The following DCAF5 variants were observed in gnomAD, a reference collection of about 807,000 sequenced individuals.
DCAF5 encodes DDB1 and CUL4 associated factor 5, also known as DDB1- and CUL4-associated factor 5.
DCAF5 carries 9 observed loss-of-function variants against 80.7 expected under a neutral mutation model. The ratio of observed to expected loss-of-function variants is 0.11; its 90% CI spans 0.07 to 0.19. The LOEUF (loss-of-function observed/expected upper bound fraction) is 0.19. Among genes scored for constraint, DCAF5 ranks in the 10% least tolerant of loss-of-function variants. The pLI, the probability that DCAF5 is intolerant of heterozygous loss-of-function variation, is 1.00. For synonymous variants in DCAF5, 433 were observed against 461.9 expected, an observed-to-expected ratio of 0.94 and a Z score of 0.80; for missense variants, 842 against 1,205.7, an observed-to-expected ratio of 0.70 and a Z score of 4.47.
At chr14:69,094,365 C>T (rs2039630418) in intron 5 of DCAF5, among the ~76,000 whole-genome samples, 1 of 152,316 alleles carries the variant, frequency 6.6e-6, no homozygotes, top group African/African-American at 2.4e-5. Context: ...AGTCTGATCA[C>T]ACTATAGGAA....
In DCAF5 at chr14:69,054,690, A is replaced by C; in HGVS notation, c.1996T>G (p.Trp666Gly). 2 of 1,614,220 alleles carry C rather than the reference A, an allele frequency of 1.2e-6. No individual in the cohort carries two copies. Among genetic ancestry groups the C allele is most frequent in the Non-Finnish European group, 1.7e-6 (2 of 1,180,042 alleles). The stretch of plus-strand genomic sequence containing the variant: ...TAGGAGATATAAGAGTAGCGGAGCC[A>C]CTTGTAAGCTTTATAAATTTTTCGC... ...VERKIYKAYK[W>G]LRYSYISYSN... Residue 666 changes from tryptophan (W) to glycine (G), a missense_variant, in exon 9 of 9, where the codon TGG (tryptophan) becomes GGG (glycine). Around this residue, in one of 5 missense-constraint regions of DCAF5, gnomAD observed 607 missense variants for 656.6 expected, o/e 0.92. Coordinates refer to ENST00000341516, the MANE Select transcript of DCAF5 (RefSeq NM_003861.3).
rs1270113305 is a variant in DCAF5 at position 69,051,212 on chromosome 14, A to C, written c.*2645T>G. 6.5e-6 allele frequency: 1 copy of C among 152,678 alleles called. No individual in the cohort carries two copies. The highest frequency in any genetic ancestry group is 2.4e-5 in the African/African-American group (1 of 41,468). The allele number at this position is 152,678 out of a possible 1,614,324, so 9.5% of individuals were successfully genotyped here. On this transcript the variant is annotated 3_prime_UTR_variant, in exon 9 of 9. Coordinates refer to ENST00000341516, the MANE Select transcript of DCAF5 (RefSeq NM_003861.3). The stretch of plus-strand genomic sequence containing the variant: ...CTTTATGTACAGAATGCAGGAAAAA[A>C]ACATAAGAGGCACTTCCAAATAGTT...
At chr14:69,086,936 T>C (rs2039351010) in intron 6 of DCAF5, among the ~76,000 whole-genome samples, 1 of 152,196 alleles carries the variant, frequency 6.6e-6, no homozygotes, top group South Asian at 2.1e-4. Flanking sequence ...GCTCAGCCTT[T>C]TCAAGAAAAT....
chr14:69,125,784 T>C (rs527559680), intron 1 of DCAF5, among the ~76,000 whole-genome samples: 1 of 152,218 alleles, frequency 6.6e-6, no homozygotes, highest in Non-Finnish European at 1.5e-5. Flanking sequence ...TGAATAAATA[T>C]TGAAAACCTA....
intron 6 of DCAF5, chr14:69,084,053 C>G (rs758249042): frequency 1.3e-6 from 1 of 780,896 alleles, no homozygotes; most frequent in Admixed American, 1.7e-5. Flanking sequence ...CTACAAAAAC[C>G]GTCAGTGGTA....
chr14:69,064,773 C>T (rs1006881004), intron 7 of DCAF5, among the ~76,000 whole-genome samples: 10 of 152,210 alleles, frequency 6.6e-5, no homozygotes, highest in Non-Finnish European at 1.3e-4. Context: ...GAGAATAGAA[C>T]TGGATCTGTC....
intron 5 of DCAF5, among the ~76,000 whole-genome samples, chr14:69,105,315 T>C (rs2040099586): frequency 6.6e-6 from 1 of 152,194 alleles, no homozygotes; most frequent in African/African-American, 2.4e-5. Flanking sequence ...TAGAATATTA[T>C]TTAGCCATAA....
At chr14:69,058,938 G>T (rs147613793) in intron 8 of DCAF5, among the ~76,000 whole-genome samples, 1 of 151,544 alleles carries the variant, frequency 6.6e-6, no homozygotes. Flanking sequence ...GAGACAAGAC[G>T]AGAGATGAGA....
intron 5 of DCAF5, among the ~76,000 whole-genome samples, chr14:69,112,863 G>A (rs2040419317): frequency 6.6e-6 from 1 of 152,092 alleles, no homozygotes; most frequent in Non-Finnish European, 1.5e-5. Context: ...GTACTACCTG[G>A]ATCTGTAACC....
chr14:69,152,672 G>C lies in DCAF5; in HGVS notation c.214+93C>G. The C allele has an allele frequency of 2.2e-6, 2 of 921,936 alleles. No homozygotes were observed. Among genetic ancestry groups the C allele is most frequent in the Non-Finnish European group, 1.6e-6 (1 of 610,054 alleles). 57.1% of individuals were successfully genotyped at this position (921,936 alleles called of 1,614,324 possible). ...GGGGTAGAGAAAGGGAGGGGGTGGGGACAGAGGGCAGGAGGAGGGTGACGG... is the reference window on the plus strand; with the variant it reads ...GGGGTAGAGAAAGGGAGGGGGTGGGCACAGAGGGCAGGAGGAGGGTGACGG... On this transcript the variant is annotated intron_variant, in intron 1 of 8. Transcript: ENST00000341516. The surrounding 1 kb of genome is among the most constrained non-coding windows in gnomAD (Gnocchi z 4.1).
In DCAF5 at chr14:69,055,902, T is replaced by A. The variant is rs1458128099; in HGVS notation, c.1075-291A>T. Among the ~76,000 whole-genome samples the A allele has an allele frequency of 6.6e-6, 1 of 152,206 alleles. No individual in the cohort carries two copies. Among genetic ancestry groups the A allele is most frequent in the Non-Finnish European group, 1.5e-5 (1 of 68,036 alleles). ...TGTCTCTTGGCCCAGGGTAATCACA[T>A]ACTTTCTCCACCAGAATCTTCCTCC... On this transcript the variant is annotated intron_variant, in intron 8 of 8. Transcript: ENST00000341516. This position sits in a 1 kb window ranked among gnomAD's most constrained non-coding sequence, Gnocchi z 5.6.
chr14:69,091,098 G>T (rs267604036), intron 6 of DCAF5: 2 of 757,622 alleles, frequency 2.6e-6, no homozygotes, highest in East Asian at 4.9e-5. Context: ...TCCATTCCTG[G>T]TGAGACTCAG....
chr14:69,105,914 C>CATATAT (rs35075766), intron 5 of DCAF5, among the ~76,000 whole-genome samples: 972 of 49,958 alleles, frequency 0.019, 107 homozygotes, highest in Non-Finnish European at 0.04. Flanking sequence ...AATAAACTGT[C>CATATAT]ATATATATAT....
intron 5 of DCAF5, among the ~76,000 whole-genome samples, chr14:69,107,369 A>C (rs985547210): frequency 3.9e-5 from 6 of 152,208 alleles, no homozygotes; most frequent in Non-Finnish European, 5.9e-5. Context: ...CCATCTTGTA[A>C]GACCAACAAA....
chr14:69,076,426 G>T (rs1325099526), intron 6 of DCAF5, among the ~76,000 whole-genome samples: 1 of 152,190 alleles, frequency 6.6e-6, no homozygotes, highest in African/African-American at 2.4e-5. Flanking sequence ...ACAAAATGTG[G>T]TAATACATAC....
intron 5 of DCAF5, among the ~76,000 whole-genome samples, chr14:69,104,664 T>C (rs1210524322): frequency 1.3e-5 from 2 of 152,116 alleles, no homozygotes; most frequent in Non-Finnish European, 2.9e-5. Context: ...AAGACCAGCC[T>C]GGCCAACATG....
intron 8 of DCAF5, among the ~76,000 whole-genome samples, chr14:69,057,242 T>C (rs2038011914): frequency 6.6e-6 from 1 of 152,176 alleles, no homozygotes; most frequent in Admixed American, 6.5e-5. Context: ...CTCCAGCATG[T>C]GGCTTAAGCT....
intron 4 of DCAF5, among the ~76,000 whole-genome samples, chr14:69,117,288 A>C (rs1430557952): frequency 6.6e-6 from 1 of 152,236 alleles, no homozygotes; most frequent in Non-Finnish European, 1.5e-5. Context: ...ACTCGACCAC[A>C]GCTGCTACTT....
chr14:69,132,407 T>C (rs1325255597), intron 1 of DCAF5, among the ~76,000 whole-genome samples: 2 of 152,188 alleles, frequency 1.3e-5, no homozygotes, highest in Admixed American at 6.5e-5. Flanking sequence ...TCAAGTCCTT[T>C]TAAATATCTC....
Sources: gnomAD v4.1 joint callset for allele counts (sites outside exome capture counted in the v4.1 genomes callset) on GRCh38, gnomAD v4.1.1 for gene constraint, gnomAD v4.1.1 regional missense constraint, Gnocchi (gnomAD v3.1) non-coding constraint, MANE v1.5 for transcripts, NCBI Gene and HGNC (gene_info 2026-07-23, HGNC 2026-07-21) for gene names.